Variants in WDR93 observed in about 807,000 individuals in gnomAD.
WDR93 encodes WD repeat-containing protein 93.
A neutral mutation model predicts 82.9 loss-of-function variants in WDR93; 73 were observed. The observed-to-expected ratio is 0.88, with a 90% CI of 0.73 to 1.07. The LOEUF (loss-of-function observed/expected upper bound fraction) is 1.07, where lower values mean the gene tolerates loss of function less well. Among genes scored for constraint, WDR93 ranks in the 50% least tolerant of loss-of-function variants. The probability of loss-of-function intolerance (pLI) is 0.00; values close to 1 mark genes in which losing one functional copy is unlikely to be tolerated. For missense variants in WDR93, 738 were observed against 826.0 expected (o/e 0.89, Z 1.31); for synonymous variants, 283 against 300.1 (o/e 0.94, Z 0.59).
intron 9 of WDR93, among the ~76,000 whole-genome samples, chr15:89,727,736 C>T (rs1004721054): frequency 6.6e-6 from 1 of 152,140 alleles, no homozygotes; most frequent in African/African-American, 2.4e-5. Context: ...CAGTTTTATA[C>T]ATGACAGCTC....
intron 1 of WDR93, among the ~76,000 whole-genome samples, chr15:89,697,236 G>A (rs1965225586): frequency 6.6e-6 from 1 of 152,162 alleles, no homozygotes; most frequent in Non-Finnish European, 1.5e-5. Flanking sequence ...TTGGATTACA[G>A]GCATGAGCTG....
chr15:89,726,609 T>C (rs570680891), intron 8 of WDR93, among the ~76,000 whole-genome samples: 8 of 152,082 alleles, frequency 5.3e-5, no homozygotes, highest in Non-Finnish European at 1.0e-4. Context: ...TAGGAACAGA[T>C]GAAAAAGAAG....
intron 5 of WDR93, among the ~76,000 whole-genome samples, chr15:89,712,396 C>CTTTTTTTTTTTTTTT (rs1170109589): frequency 1.2e-4 from 10 of 80,514 alleles, no homozygotes; most frequent in African/African-American, 4.9e-4. Flanking sequence ...TTCCACTAAT[C>CTTTTTTTTTTTTTTT]TTTTTTTTTT....
intron 16 of WDR93, among the ~76,000 whole-genome samples, chr15:89,739,273 T>C (rs538048244): frequency 3.3e-5 from 5 of 152,334 alleles, no homozygotes; most frequent in Non-Finnish European, 7.4e-5. Context: ...GTATTATCTA[T>C]GGCTACTGTA....
intron 4 of WDR93, among the ~76,000 whole-genome samples, chr15:89,706,668 GA>G (rs199882349): frequency 3.3e-5 from 5 of 149,738 alleles, no homozygotes; most frequent in Admixed American, 6.7e-5. Context: ...TTTCTTCTTG[GA>G]AAAAAAAACC....
At chr15:89,730,322 C>CA (rs370652070) in intron 11 of WDR93, among the ~76,000 whole-genome samples, 11,206 of 122,778 alleles carry the variant, frequency 0.091, 654 homozygotes, top group African/African-American at 0.18. Context: ...AAGACTATCT[C>CA]AAAAAAAAAA....
chr15:89,735,500 C>T lies in WDR93; in HGVS notation c.1555C>T (p.His519Tyr), dbSNP rs1244114579. 2.9e-5 allele frequency: 47 copies of T among 1,614,004 alleles called. No individual in the cohort carries two copies. The highest frequency in any genetic ancestry group is 4.0e-5 in the Non-Finnish European group (47 of 1,180,018). The change falls in exon 14 of 17, where the codon CAC becomes TAC. Residue 519 changes from histidine to tyrosine, a missense_variant. Physicochemically the swap from His to Tyr is moderately conservative, Grantham distance 83. Transcript: ENST00000268130. ...ISVLVERPVK[H>Y]LDKTICAVAP... ...TTTTCTGTCCTATAGGCCTGTAAAG[C>T]ACCTGGATAAAACCATCTGTGCCGT...
At chr15:89,717,203 G>T (rs1380292806) in intron 7 of WDR93, among the ~76,000 whole-genome samples, 3 of 151,482 alleles carry the variant, frequency 2.0e-5, no homozygotes, top group Admixed American at 6.6e-5. Flanking sequence ...AGGATTATAG[G>T]CATGCACTAC....
intron 1 of WDR93, among the ~76,000 whole-genome samples, chr15:89,693,483 A>G (rs1230748210): frequency 2.6e-5 from 4 of 152,220 alleles, no homozygotes; most frequent in Admixed American, 2.6e-4. Context: ...GAATGACTGG[A>G]TATGATGGTA....
intron 3 of WDR93, chr15:89,703,380 T>G (rs903216111): frequency 3.6e-6 from 2 of 549,712 alleles, no homozygotes; most frequent in Non-Finnish European, 6.4e-6. Context: ...TTTTTATTCC[T>G]GTTCAGAAGA....
chr15:89,695,036 G>T (rs1266898671), intron 1 of WDR93, among the ~76,000 whole-genome samples: 1 of 151,988 alleles, frequency 6.6e-6, no homozygotes, highest in African/African-American at 2.4e-5. Context: ...TCATTGATCT[G>T]TTTGTTTATT....
At chr15:89,712,396 C>CTTTTTTTTTTTTTTTTTTTTTTTTTTTT (rs1170109589) in intron 5 of WDR93, among the ~76,000 whole-genome samples, 3 of 80,512 alleles carry the variant, frequency 3.7e-5, no homozygotes, top group African/African-American at 1.6e-4. Context: ...TTCCACTAAT[C>CTTTTTTTTTTTTTTTTTTTTTTTTTTTT]TTTTTTTTTT....
At chr15:89,694,629 C>G (rs921936911) in intron 1 of WDR93, among the ~76,000 whole-genome samples, 2 of 152,128 alleles carry the variant, frequency 1.3e-5, no homozygotes, top group African/African-American at 4.8e-5. Context: ...ATATTTTCTC[C>G]CCATCTGAGG....
At chr15:89,725,831 G>A (rs1966715791) in intron 8 of WDR93, among the ~76,000 whole-genome samples, 1 of 152,006 alleles carries the variant, frequency 6.6e-6, no homozygotes, top group Admixed American at 6.5e-5. Flanking sequence ...CAAAGTGCTG[G>A]GATTATAGGC....
intron 7 of WDR93, among the ~76,000 whole-genome samples, chr15:89,717,584 G>T (rs1448372820): frequency 1.3e-5 from 2 of 152,172 alleles, no homozygotes; most frequent in Non-Finnish European, 2.9e-5. Flanking sequence ...TTGGGCCCCT[G>T]GAAGGGGCCC....
chr15:89,700,979 T>TACAC lies in WDR93; in HGVS notation c.-40-704_-40-701dup, dbSNP rs34106334. 2.0e-3 allele frequency among the ~76,000 whole-genome samples: 295 copies of TACAC among 150,318 alleles called. 1 individual carries two copies. Among genetic ancestry groups the TACAC allele is most frequent in the African/African-American group, 6.0e-3 (247 of 41,070 alleles). Reference sequence around the variant, plus strand: ...TGATGTATGCATATATATGTGTGTGTACACACACACACACACACACACACA... The same window carrying TACAC: ...TGATGTATGCATATATATGTGTGTGTACACACACACACACACACACACACACACA... On this transcript the variant is annotated intron_variant, in intron 1 of 16. Coordinates refer to ENST00000268130, the MANE Select transcript of WDR93 (RefSeq NM_020212.2).
At position 89,727,386 on chromosome 15, in the gene WDR93, C is replaced by T. The variant is rs1966781082; in HGVS notation, c.1052+58C>T. The stretch of plus-strand genomic sequence containing the variant: ...CATCCCCAGGCTTCTGCTGTCTTGG[C>T]ACATGCAGGAATCAACCCAGGGACC... On this transcript the variant is annotated intron_variant, in intron 9 of 16. Transcript: ENST00000268130. The T allele has an allele frequency of 6.4e-6, 10 of 1,571,934 alleles. No individual in the cohort carries two copies. The East Asian group carries it at 2.0e-4, about 32-fold the overall frequency.
At chr15:89,713,719 C>T (rs955368019) in intron 5 of WDR93, among the ~76,000 whole-genome samples, 15 of 152,002 alleles carry the variant, frequency 9.9e-5, no homozygotes, top group African/African-American at 3.1e-4. Flanking sequence ...GTGATCCGCC[C>T]GCCTCGGCCT....
At chr15:89,700,228 C>T (rs1965387757) in intron 1 of WDR93, among the ~76,000 whole-genome samples, 1 of 152,144 alleles carries the variant, frequency 6.6e-6, no homozygotes, top group Non-Finnish European at 1.5e-5. Context: ...GCTTTCCAGT[C>T]TTGCTGGTGG....
Sources: allele counts gnomAD v4.1 joint callset (sites outside exome capture counted in the v4.1 genomes callset), GRCh38; gene constraint gnomAD v4.1.1; transcripts MANE v1.5; gene names NCBI Gene and HGNC (gene_info 2026-07-23, HGNC 2026-07-21).